SV2B: variants seen among roughly 807,000 people sequenced by gnomAD.
SV2B encodes the protein synaptic vesicle glycoprotein 2B, also known as solute carrier family 22 member B2.
In SV2B, 41 loss-of-function variants were observed where a neutral mutation model predicts 73.9. The observed-to-expected ratio is 0.56, with a 90% CI of 0.43 to 0.72. The LOEUF (loss-of-function observed/expected upper bound fraction) is 0.72, where lower values mean the gene tolerates loss of function less well. SV2B is among the 30% of genes least tolerant of loss of function. The probability of loss-of-function intolerance (pLI) is 0.00; values close to 1 mark genes in which losing one functional copy is unlikely to be tolerated. For synonymous variants in SV2B, 314 were observed against 314.2 expected (o/e 1.00, Z 0.01); for missense variants, 764 against 857.8 (o/e 0.89, Z 1.37).
At chr15:91,198,455 A>ATGTGTGTGTGTGTGTGTGTGTGTGTGTG (rs5814467) in intron 1 of SV2B, among the ~76,000 whole-genome samples, 1 of 136,756 alleles carries the variant, frequency 7.3e-6, no homozygotes, top group Non-Finnish European at 1.6e-5. Context: ...AAGCACGTGT[A>ATGTGTGTGTGTGTGTGTGTGTGTGTGTG]TGTGTGTGTG....
At chr15:91,287,305 T>C (rs2048892422) in intron 11 of SV2B, among the ~76,000 whole-genome samples, 1 of 152,180 alleles carries the variant, frequency 6.6e-6, no homozygotes, top group South Asian at 2.1e-4. Flanking sequence ...GGTCAGCCTC[T>C]GGCTTCTTGA....
At chr15:91,189,041 G>C (rs537814398) in intron 1 of SV2B, among the ~76,000 whole-genome samples, 1 of 152,064 alleles carries the variant, frequency 6.6e-6, no homozygotes, top group East Asian at 1.9e-4. Flanking sequence ...GGTCAGGCGG[G>C]TCTCAAAATC....
At chr15:91,230,911 T>C (rs1596635882) in intron 2 of SV2B, among the ~76,000 whole-genome samples, 2 of 152,012 alleles carry the variant, frequency 1.3e-5, no homozygotes, top group Admixed American at 6.6e-5. Flanking sequence ...ACAAAGACAG[T>C]GTGAAGGGAT....
intron 1 of SV2B, among the ~76,000 whole-genome samples, chr15:91,156,589 C>T (rs1446419637): frequency 6.6e-6 from 1 of 152,188 alleles, no homozygotes; most frequent in Admixed American, 6.5e-5. Context: ...GCAGGAGAGA[C>T]CCATGCTAAT....
chr15:91,113,464 A>C (rs1410427251), intron 1 of SV2B, among the ~76,000 whole-genome samples: 1 of 152,178 alleles, frequency 6.6e-6, no homozygotes, highest in African/African-American at 2.4e-5. Flanking sequence ...ATTTCTCATA[A>C]GCTTATGGGA....
chr15:91,194,810 G>A (rs891123174), intron 1 of SV2B, among the ~76,000 whole-genome samples: 3 of 152,110 alleles, frequency 2.0e-5, no homozygotes, highest in East Asian at 1.9e-4. Context: ...GGATCATGGA[G>A]GATTCTTCTT....
In SV2B at chr15:91,232,411, A is replaced by T. The variant is rs1178637250; in HGVS notation, c.451+5697A>T. The stretch of plus-strand genomic sequence containing the variant: ...GGGCTCCCTTAGCAGACGTACACGG[A>T]TTGCTGTGTTTAGGAGTGTGGAGTT... On this transcript the variant is annotated intron_variant, in intron 2 of 12. Coordinates refer to ENST00000394232, the MANE Select transcript of SV2B (RefSeq NM_001323032.3). This position sits in a 1 kb window ranked among gnomAD's most constrained non-coding sequence, Gnocchi z 4.7. Among the ~76,000 whole-genome samples the T allele has an allele frequency of 1.3e-5, 2 of 152,198 alleles. No individual in the cohort carries two copies. The highest frequency in any genetic ancestry group is 2.9e-5 in the Non-Finnish European group (2 of 68,016).
chr15:91,262,453 C>T (rs958944394), intron 6 of SV2B, among the ~76,000 whole-genome samples: 1 of 152,034 alleles, frequency 6.6e-6, no homozygotes. Context: ...CAATGCTTTT[C>T]CTGCCATTTT....
rs931351470 is a variant in SV2B at position 91,252,911 on chromosome 15, G to C, written c.784+391G>C. Among the ~76,000 whole-genome samples the C allele has an allele frequency of 1.3e-5, 2 of 152,160 alleles. No individual in the cohort carries two copies. The highest frequency in any genetic ancestry group is 4.8e-5 in the African/African-American group (2 of 41,432). On this transcript the variant is annotated intron_variant, in intron 4 of 12. Transcript: ENST00000394232. This position sits in a 1 kb window ranked among gnomAD's most constrained non-coding sequence, Gnocchi z 4.6. The stretch of plus-strand genomic sequence containing the variant: ...AGGTATGTGACAAAAGCCAAGAGAA[G>C]TTGGTGACTTGCTCAAGGCCATGTC...
chr15:91,162,714 G>A (rs1664806561), intron 1 of SV2B, among the ~76,000 whole-genome samples: 3 of 152,168 alleles, frequency 2.0e-5, no homozygotes. Context: ...CCTTGTGGTT[G>A]GAGGCCGAAG....
At chr15:91,260,199 C>A in intron 5 of SV2B, 121 bp from the exon 6 acceptor site, 1 of 840,500 alleles carries the variant, frequency 1.2e-6, no homozygotes. Flanking sequence ...GCAATTGCCT[C>A]AGACCTGCTA....
At position 91,128,221 on chromosome 15, in the gene SV2B, T is replaced by A. The variant is rs1378349900; in HGVS notation, c.-392+27858T>A. Among the ~76,000 whole-genome samples, 1 of 152,180 alleles carries A rather than the reference T, an allele frequency of 6.6e-6. No homozygotes were observed. The highest frequency in any genetic ancestry group is 1.5e-5 in the Non-Finnish European group (1 of 68,028). Reference sequence around the variant, plus strand: ...TCCCTCCTGGGAGCTGTTTTCACCCTCTTCCACCAGTGAGTCATCCGCAGA... The same window carrying A: ...TCCCTCCTGGGAGCTGTTTTCACCCACTTCCACCAGTGAGTCATCCGCAGA... On this transcript the variant is annotated intron_variant, in intron 1 of 12. Transcript: ENST00000394232. This position sits in a 1 kb window ranked among gnomAD's most constrained non-coding sequence, Gnocchi z 4.2.
intron 1 of SV2B, among the ~76,000 whole-genome samples, chr15:91,138,943 T>C (rs981769932): frequency 6.6e-6 from 1 of 152,216 alleles, no homozygotes; most frequent in African/African-American, 2.4e-5. Context: ...AACCAATTAT[T>C]AATACAAGGT....
chr15:91,280,398 A>T lies in SV2B; in HGVS notation c.1374-1330A>T, dbSNP rs1290287762. ...TATTTGCTTGCACTTTTTTCCAATT[A>T]GACTGGAGAGCAGGGACCATGACTT... On this transcript the variant is annotated intron_variant, in intron 9 of 12. Coordinates refer to ENST00000394232, the MANE Select transcript of SV2B (RefSeq NM_001323032.3). The surrounding 1 kb of genome is among the most constrained non-coding windows in gnomAD (Gnocchi z 5.8). Among the ~76,000 whole-genome samples the T allele has an allele frequency of 6.6e-6, 1 of 152,200 alleles. No homozygotes were observed. Among genetic ancestry groups the T allele is most frequent in the Non-Finnish European group, 1.5e-5 (1 of 68,042 alleles).
intron 2 of SV2B, among the ~76,000 whole-genome samples, chr15:91,238,878 C>A (rs1596655402): frequency 6.6e-6 from 1 of 152,204 alleles, no homozygotes; most frequent in Middle Eastern, 3.4e-3. Context: ...CCGCCAGCAA[C>A]CCGGTCAGAC....
At chr15:91,114,849 G>A (rs1231254816) in intron 1 of SV2B, among the ~76,000 whole-genome samples, 2 of 152,170 alleles carry the variant, frequency 1.3e-5, no homozygotes, top group African/African-American at 2.4e-5. Flanking sequence ...CACTCTGTCT[G>A]TCAAAAGCCC....
chr15:91,248,544 AT>A (rs2047347064), intron 2 of SV2B, among the ~76,000 whole-genome samples: 2 of 152,238 alleles, frequency 1.3e-5, no homozygotes, highest in Non-Finnish European at 2.9e-5. Context: ...GAGGTGATTA[AT>A]ACCCTCAGAA....
chr15:91,106,824 C>T lies in SV2B; in HGVS notation c.-392+6461C>T, dbSNP rs945409831. 1.3e-5 allele frequency among the ~76,000 whole-genome samples: 2 copies of T among 152,064 alleles called. No individual in the cohort carries two copies. The highest frequency in any genetic ancestry group is 6.6e-5 in the Admixed American group (1 of 15,262). Reference sequence around the variant, plus strand: ...GAATTTTATTTAAATCAATTTATGCCGAGTGTCACCAGCTTGCTTGAGAAA... The same window carrying T: ...GAATTTTATTTAAATCAATTTATGCTGAGTGTCACCAGCTTGCTTGAGAAA... On this transcript the variant is annotated intron_variant, in intron 1 of 12. Transcript: ENST00000394232. This position sits in a 1 kb window ranked among gnomAD's most constrained non-coding sequence, Gnocchi z 4.4.
At chr15:91,152,818 G>A (rs2043355618) in intron 1 of SV2B, among the ~76,000 whole-genome samples, 1 of 152,192 alleles carries the variant, frequency 6.6e-6, no homozygotes, top group Admixed American at 6.5e-5. Flanking sequence ...TGATTAGATA[G>A]ATAAAAGAGT....
Sources: allele counts gnomAD v4.1 joint callset (sites outside exome capture counted in the v4.1 genomes callset), GRCh38; gene constraint gnomAD v4.1.1; non-coding constraint Gnocchi (gnomAD v3.1); transcripts MANE v1.5; gene names NCBI Gene and HGNC (gene_info 2026-07-23, HGNC 2026-07-21).